The following ELP1 variants were observed in gnomAD, a reference collection of about 807,000 sequenced individuals.
ELP1 encodes the protein elongator complex protein 1.
Under a neutral mutation model 183.2 loss-of-function variants are expected in ELP1, and 131 were observed. The ratio of observed to expected loss-of-function variants is 0.72; its 90% CI spans 0.62 to 0.83. ELP1 has a LOEUF of 0.83. ELP1 is among the 40% of genes least tolerant of loss of function. The probability of loss-of-function intolerance (pLI) is 0.00; values close to 1 mark genes in which losing one functional copy is unlikely to be tolerated. For missense variants in ELP1, 1,550 were observed against 1,594.9 expected (o/e 0.97, Z 0.48); for synonymous variants, 555 against 569.0 (o/e 0.98, Z 0.35).
At chr9:108,900,496 G>C in intron 18 of ELP1, 121 bp from the exon 19 acceptor site, 1 of 764,788 alleles carries the variant, frequency 1.3e-6, no homozygotes, top group Non-Finnish European at 2.3e-6. Context: ...ATGTGCCTTA[G>C]CTCTCCCACT....
At chr9:108,884,714 G>A (rs542053960) in intron 29 of ELP1, among the ~76,000 whole-genome samples, 3 of 152,230 alleles carry the variant, frequency 2.0e-5, no homozygotes, top group South Asian at 4.1e-4. Flanking sequence ...TAACTAAAAC[G>A]GTGCTTGAGG....
At position 108,926,604 on chromosome 9, in the gene ELP1, C is replaced by T; in HGVS notation, c.386-1G>A. The T allele has an allele frequency of 6.2e-7, 1 of 1,610,252 alleles. No homozygotes were observed. Among genetic ancestry groups the T allele is most frequent in the Non-Finnish European group, 8.5e-7 (1 of 1,178,238 alleles). Reference sequence around the variant, plus strand: ...GTCATCATAATCAGGGTCTGTTGACCTTAGAGAAACACAAACAAAAATGAT... The same window carrying T: ...GTCATCATAATCAGGGTCTGTTGACTTTAGAGAAACACAAACAAAAATGAT... On this transcript the variant is annotated splice_acceptor_variant, in intron 4 of 36. Transcript: ENST00000374647. LOFTEE classifies it high-confidence loss of function.
At chr9:108,873,414 G>C (rs1007704305) in intron 36 of ELP1, among the ~76,000 whole-genome samples, 1 of 152,150 alleles carries the variant, frequency 6.6e-6, no homozygotes, top group African/African-American at 2.4e-5. Context: ...GGCAATTTTT[G>C]AATTATAGGA....
At chr9:108,870,063 C>G (rs1438979862) in intron 36 of ELP1, among the ~76,000 whole-genome samples, 1 of 152,046 alleles carries the variant, frequency 6.6e-6, no homozygotes, top group Non-Finnish European at 1.5e-5. Context: ...GCAGCCTCGA[C>G]CCCCTGGGTT....
chr9:108,927,338 A>C (rs959416033), intron 4 of ELP1, 34 bp downstream of exon 4: 2 of 1,548,970 alleles, frequency 1.3e-6, no homozygotes, highest in South Asian at 2.2e-5. Flanking sequence ...ATAATGTTTT[A>C]AAAAAGCCAG....
At chr9:108,931,970 GA>G (rs879532287) in intron 1 of ELP1, among the ~76,000 whole-genome samples, 1 of 152,064 alleles carries the variant, frequency 6.6e-6, no homozygotes, top group Non-Finnish European at 1.5e-5. Flanking sequence ...CTAAGTAGGG[GA>G]AAAAAATGTT....
chr9:108,892,941 GC>G, intron 27 of ELP1, 44 bp downstream of exon 27: 1 of 1,419,032 alleles, frequency 7.0e-7, no homozygotes, highest in Non-Finnish European at 1.0e-6. Flanking sequence ...TCCTACTAAA[GC>G]AAAAAGCAAA....
At position 108,901,350 on chromosome 9, in the gene ELP1, G is replaced by T. The variant is rs2275631; in HGVS notation, c.2014+75C>A. On this transcript the variant is annotated intron_variant, in intron 18 of 36. Coordinates refer to ENST00000374647, the MANE Select transcript of ELP1 (RefSeq NM_003640.5). The stretch of plus-strand genomic sequence containing the variant: ...TTGATAAAAAGCCAAAATAAATGAA[G>T]AATTCAAAAAGTCATCAAGACTCCA... 10,071 of 1,063,438 alleles carry T rather than the reference G, an allele frequency of 9.5e-3. 262 individuals carry two copies. The East Asian group carries it at 0.11, about 11-fold the overall frequency. 65.9% of individuals were successfully genotyped at this position (1,063,438 alleles called of 1,614,324 possible).
intron 14 of ELP1, among the ~76,000 whole-genome samples, chr9:108,905,904 T>G (rs924642076): frequency 7.0e-6 from 1 of 143,480 alleles, no homozygotes; most frequent in Non-Finnish European, 1.5e-5. Flanking sequence ...CACACATATA[T>G]GCGCATGACT....
At chr9:108,918,360 T>C (rs1048137852) in intron 8 of ELP1, among the ~76,000 whole-genome samples, 2 of 152,184 alleles carry the variant, frequency 1.3e-5, no homozygotes, top group Non-Finnish European at 2.9e-5. Context: ...CCAGCCTGCA[T>C]GCTCCTTGGC....
chr9:108,922,823 T>C lies in ELP1; in HGVS notation c.552+19A>G. On this transcript the variant is annotated intron_variant, in intron 6 of 36. Transcript: ENST00000374647. The stretch of plus-strand genomic sequence containing the variant: ...CATTTGTTCCAGTCAAGGCTTTTTA[T>C]CCATCAAACCAAACTTACCATTTGC... 2 of 1,594,840 alleles carry C rather than the reference T, an allele frequency of 1.3e-6. No individual in the cohort carries two copies. Among genetic ancestry groups the C allele is most frequent in the Non-Finnish European group, 1.7e-6 (2 of 1,162,618 alleles).
At chr9:108,899,766 T>C (rs1316467408) in intron 20 of ELP1, 56 bp downstream of exon 20, 1 of 1,329,616 alleles carries the variant, frequency 7.5e-7, no homozygotes, top group East Asian at 2.3e-5. Flanking sequence ...AAATACTTAT[T>C]GTCTTCACAC....
At chr9:108,895,980 G>A (rs1332831060) in intron 25 of ELP1, among the ~76,000 whole-genome samples, 5 of 152,094 alleles carry the variant, frequency 3.3e-5, no homozygotes, top group Non-Finnish European at 5.9e-5. Context: ...ATTTTAGGCC[G>A]CACATGGTGG....
At chr9:108,911,916 T>C (rs1158184136) in intron 11 of ELP1, among the ~76,000 whole-genome samples, 1 of 152,158 alleles carries the variant, frequency 6.6e-6, no homozygotes, top group Non-Finnish European at 1.5e-5. Context: ...GGGTCAATTA[T>C]AAATCTGTGT....
At position 108,911,179 on chromosome 9, in the gene ELP1, G is replaced by C. The variant is rs749277039; in HGVS notation, c.1191C>G (p.Asn397Lys). 1 of 1,614,032 alleles carries C rather than the reference G, an allele frequency of 6.2e-7. No homozygotes were observed. Among genetic ancestry groups the C allele is most frequent in the Non-Finnish European group, 8.5e-7 (1 of 1,179,968 alleles). The change falls in exon 12 of 37, where the codon AAC becomes AAG. Residue 397 changes from asparagine (N) to lysine (K), a missense_variant and splice_region_variant. By Grantham distance (94) the Asn-to-Lys change is moderately conservative. Transcript: ENST00000374647. Reference protein sequence around the residue: ...DLSNVAVIDGNRVLVTVFRQT... With the variant: ...DLSNVAVIDGKRVLVTVFRQT... Reference sequence around the variant, plus strand: ...GCCGGAAGACTGTCACCAACACCCTGTCTGCAGTGAAAAAGAAAGAAGAGG... The same window carrying C: ...GCCGGAAGACTGTCACCAACACCCTCTCTGCAGTGAAAAAGAAAGAAGAGG...
At chr9:108,883,620 G>A (rs868232195) in intron 29 of ELP1, among the ~76,000 whole-genome samples, 7 of 150,834 alleles carry the variant, frequency 4.6e-5, no homozygotes, top group South Asian at 4.2e-4. Context: ...AACAATCATT[G>A]ATCACTTAAA....
chr9:108,925,338 C>T (rs554276603), intron 5 of ELP1, among the ~76,000 whole-genome samples: 1 of 152,334 alleles, frequency 6.6e-6, no homozygotes, highest in South Asian at 2.1e-4. Flanking sequence ...CATTCTGCCA[C>T]TTCAGCAATG....
intron 27 of ELP1, 92 bp from the exon 28 acceptor site, chr9:108,891,496 A>G: frequency 8.6e-7 from 1 of 1,162,690 alleles, no homozygotes; most frequent in African/African-American, 1.5e-5. Flanking sequence ...TATACTTGGA[A>G]CTCCCTTGAA....
chr9:108,882,077 C>T, intron 30 of ELP1, 48 bp downstream of exon 30: 13 of 1,500,260 alleles, frequency 8.7e-6, no homozygotes, highest in South Asian at 1.1e-5. Flanking sequence ...CCCTTGCTTG[C>T]TCTCTCTGCT....
Sources: gnomAD v4.1 joint callset for allele counts (sites outside exome capture counted in the v4.1 genomes callset) on GRCh38, gnomAD v4.1.1 for gene constraint, MANE v1.5 for transcripts, NCBI Gene and HGNC (gene_info 2026-07-23, HGNC 2026-07-21) for gene names.